The following LOXL3 variants were observed in gnomAD, a reference collection of about 807,000 sequenced individuals.
The protein encoded by LOXL3 is lysyl oxidase homolog 3.
LOXL3 carries 60 observed loss-of-function variants against 91.8 expected under a neutral mutation model. The ratio of observed to expected loss-of-function variants is 0.65; its 90% CI spans 0.53 to 0.81. The LOEUF is 0.81. Among genes scored for constraint, LOXL3 ranks in the 30% least tolerant of loss-of-function variants. LOXL3 has a pLI of 0.00. For missense variants in LOXL3, 874 were observed against 1,000.4 expected, an observed-to-expected ratio of 0.87 and a Z score of 1.70; for synonymous variants, 355 against 387.6, an observed-to-expected ratio of 0.92 and a Z score of 0.99.
At chr2:74,553,351 A>G (rs1466002085) in intron 1 of LOXL3, among the ~76,000 whole-genome samples, 5 of 152,316 alleles carry the variant, frequency 3.3e-5, no homozygotes, top group African/African-American at 1.2e-4. Context: ...GCCCTCCCCA[A>G]CACGCAGGCT....
chr2:74,554,584 G>A, upstream of LOXL3: 1 of 636,916 alleles, frequency 1.6e-6, no homozygotes, highest in Non-Finnish European at 2.7e-6. The surrounding 1 kb of genome is among the most constrained non-coding windows in gnomAD (Gnocchi z 4.9). Flanking sequence ...CGGCTAATCC[G>A]GGGGTCTCCA....
chr2:74,534,467 C>T, intron 10 of LOXL3, 36 bp from the exon 11 acceptor site: 1 of 1,613,640 alleles, frequency 6.2e-7, no homozygotes, highest in Non-Finnish European at 8.5e-7. Context: ...TCCTTCTCTG[C>T]CCCCAGAAGG....
chr2:74,552,216 T>G, intron 2 of LOXL3, 106 bp downstream of exon 2: 4 of 1,010,242 alleles, frequency 4.0e-6, no homozygotes. Context: ...ATGCTGGCTG[T>G]TCTTGGTGTC....
intron 4 of LOXL3, among the ~76,000 whole-genome samples, chr2:74,545,707 T>C (rs1253382258): frequency 6.6e-6 from 1 of 152,160 alleles, no homozygotes; most frequent in African/African-American, 2.4e-5. Context: ...CTCCCCTGGT[T>C]TTCTTCCTAC....
upstream of LOXL3, chr2:74,555,009 G>T: frequency 7.3e-7 from 1 of 1,363,780 alleles, no homozygotes. The surrounding 1 kb of genome is among the most constrained non-coding windows in gnomAD (Gnocchi z 6.1). Flanking sequence ...GAGACGGAGT[G>T]GCATCGTCCT....
rs1573001882 is a variant in LOXL3, at chr2:74,534,029, A to G, written c.2077-36T>C. 2.5e-6 allele frequency: 4 copies of G among 1,611,758 alleles called. No homozygotes were observed. In the South Asian group the frequency reaches 3.3e-5, roughly 13 times the overall value. On this transcript the variant is annotated intron_variant, in intron 12 of 13. Coordinates refer to ENST00000264094, the MANE Select transcript of LOXL3 (RefSeq NM_032603.5). ...GAAAAAGGCCACTTAACCCAGCGAC[A>G]ATCCTCGAATTCAAAGGTGTCTTTA...
chr2:74,536,642 T>C lies in LOXL3; in HGVS notation c.912+67A>G, dbSNP rs539035997. On this transcript the variant is annotated intron_variant, in intron 5 of 13. Coordinates refer to ENST00000264094, the MANE Select transcript of LOXL3 (RefSeq NM_032603.5). The surrounding 1 kb of genome is among the most constrained non-coding windows in gnomAD (Gnocchi z 4.5). The stretch of plus-strand genomic sequence containing the variant: ...CCTCAAAGGTCAGGGCTGTGCTTAG[T>C]CTGGGGTTGCCAGGCTAGGGGTTCT... 11 of 1,545,702 alleles carry C rather than the reference T, an allele frequency of 7.1e-6. 1 individual carries two copies. In the East Asian group the frequency reaches 2.2e-4, roughly 32 times the overall value.
Position 74,542,326 on chromosome 2 carries a change from C to G in LOXL3, c.693-5398G>C, listed in dbSNP as rs1410031662. Among the ~76,000 whole-genome samples, 9 of 150,792 alleles carry G rather than the reference C, an allele frequency of 6.0e-5. No individual in the cohort carries two copies. The South Asian group carries it at 8.5e-4, about 14-fold the overall frequency. On this transcript the variant is annotated intron_variant, in intron 4 of 13. Coordinates refer to ENST00000264094, the MANE Select transcript of LOXL3 (RefSeq NM_032603.5). The stretch of plus-strand genomic sequence containing the variant: ...GGAATCAAACAAACAAACAAACAAA[C>G]AAAGAAAAAACCCAAAACAAAAACC...
intron 2 of LOXL3, 98 bp downstream of exon 2, chr2:74,552,224 G>A: frequency 2.7e-6 from 3 of 1,097,164 alleles, no homozygotes; most frequent in South Asian, 1.6e-5. Context: ...TGTTCTTGGT[G>A]TCGTGTGTCC....
rs1429584079 is a variant in LOXL3, at chr2:74,552,502, G to A, written c.133C>T (p.Arg45Trp). ...KKAGSQGLRF[R>W]LAGFPRKPYE... ...GGCTTCCTGGGGAAGCCAGCCAGCC[G>A]GAACCGAAGCCCCTGGCTCCCGGCC... Residue 45 changes from arginine to tryptophan, a missense_variant, in exon 2 of 14, where the codon CGG (arginine) becomes TGG (tryptophan). Physicochemically the swap from Arg to Trp is moderately radical, Grantham distance 101 (BLOSUM62 -3). Coordinates refer to ENST00000264094, the MANE Select transcript of LOXL3 (RefSeq NM_032603.5). 10 of 1,613,576 alleles carry A rather than the reference G, an allele frequency of 6.2e-6. No homozygotes were observed. Among genetic ancestry groups the A allele is most frequent in the African/African-American group, 4.0e-5 (3 of 74,950 alleles).
At chr2:74,555,570 T>C, upstream of LOXL3, 15 of 1,611,936 alleles carry the variant, frequency 9.3e-6, no homozygotes, top group Non-Finnish European at 1.3e-5. The surrounding 1 kb of genome is among the most constrained non-coding windows in gnomAD (Gnocchi z 6.1). Flanking sequence ...TGCTCTCTAC[T>C]ACAGAAAGGC....
rs1365562303 is a variant in LOXL3, at chr2:74,541,172, G to A, written c.693-4244C>T. ...ACTACTTATGTAGCATTTACATTAT[G>A]TTAGGTATTATAAGTAATCTAGAGA... On this transcript the variant is annotated intron_variant, in intron 4 of 13. Transcript: ENST00000264094. 2.0e-5 allele frequency among the ~76,000 whole-genome samples: 3 copies of A among 152,176 alleles called. 1 individual carries two copies. Among genetic ancestry groups the A allele is most frequent in the Admixed American group, 1.3e-4 (2 of 15,274 alleles).
intron 2 of LOXL3, 116 bp from the exon 3 acceptor site, chr2:74,550,464 T>C (rs974383353): frequency 1.4e-5 from 16 of 1,136,906 alleles, no homozygotes; most frequent in Non-Finnish European, 2.0e-5. Context: ...TGATCCCATC[T>C]TTCTGGTATG....
intron 1 of LOXL3, among the ~76,000 whole-genome samples, chr2:74,553,626 G>A (rs533714397): frequency 7.2e-4 from 110 of 152,304 alleles, no homozygotes; most frequent in African/African-American, 2.5e-3. Flanking sequence ...TGGGGACCCA[G>A]GGGCAGCGCC....
At chr2:74,534,832 GCTTC>G in intron 9 of LOXL3, 58 bp from the exon 10 acceptor site, 3 of 1,574,964 alleles carry the variant, frequency 1.9e-6, no homozygotes, top group Non-Finnish European at 2.6e-6. Context: ...AGAGAGGGGT[GCTTC>G]CATCCCTCCC....
intron 4 of LOXL3, among the ~76,000 whole-genome samples, chr2:74,537,925 C>T (rs899672191): frequency 4.6e-5 from 7 of 152,118 alleles, no homozygotes; most frequent in Non-Finnish European, 1.0e-4. Flanking sequence ...TGTAGTCATG[C>T]ATTATTGCAA....
At chr2:74,543,661 CT>C (rs1676442444) in intron 4 of LOXL3, among the ~76,000 whole-genome samples, 1 of 151,884 alleles carries the variant, frequency 6.6e-6, no homozygotes, top group Admixed American at 6.6e-5. Flanking sequence ...AGGCAGATCA[CT>C]TGATCTGATC....
Position 74,549,599 on chromosome 2 carries a change from C to A in LOXL3, c.478-16G>T, listed in dbSNP as rs368052222. 14 of 1,595,226 alleles carry A rather than the reference C, an allele frequency of 8.8e-6. No homozygotes were observed. In the African/African-American group the frequency reaches 1.9e-4, roughly 21 times the overall value. The stretch of plus-strand genomic sequence containing the variant: ...GATGCTCTACCTGGGGGCGGGGCCA[C>A]AAGCAGGGAAAGAATCCCAGTGGCA... On this transcript the variant is annotated splice_polypyrimidine_tract_variant and intron_variant, in intron 3 of 13. Coordinates refer to ENST00000264094, the MANE Select transcript of LOXL3 (RefSeq NM_032603.5). This position sits in a 1 kb window ranked among gnomAD's most constrained non-coding sequence, Gnocchi z 5.3.
At position 74,535,947 on chromosome 2, in the gene LOXL3, C is replaced by A. The variant is rs1182566137; in HGVS notation, c.1248+49G>T. 6.6e-7 allele frequency: 1 copy of A among 1,525,922 alleles called. No homozygotes were observed. The allele number at this position is 1,525,922 out of a possible 1,614,324, so 94.5% of individuals were successfully genotyped here. ...ATTGGACTGTAGATTGGAGACCAGA[C>A]CTGGATAGGATGAAAGAGACCTCAA... On this transcript the variant is annotated intron_variant, in intron 7 of 13. Coordinates refer to ENST00000264094, the MANE Select transcript of LOXL3 (RefSeq NM_032603.5). The surrounding 1 kb of genome is among the most constrained non-coding windows in gnomAD (Gnocchi z 4.2).
Sources: allele counts gnomAD v4.1 joint callset (sites outside exome capture counted in the v4.1 genomes callset), GRCh38; gene constraint gnomAD v4.1.1; non-coding constraint Gnocchi (gnomAD v3.1); transcripts MANE v1.5; gene names NCBI Gene and HGNC (gene_info 2026-07-23, HGNC 2026-07-21).